ZNF615: variants seen among roughly 807,000 people sequenced by gnomAD.
ZNF615 encodes the protein zinc finger protein 615.
Under a neutral mutation model 15.3 loss-of-function variants are expected in ZNF615, and 15 were observed. The ratio of observed to expected loss-of-function variants is 0.98; its 90% CI spans 0.66 to 1.51. The LOEUF (loss-of-function observed/expected upper bound fraction) is 1.51. ZNF615 is among the 40% of genes most tolerant of loss of function. The probability of loss-of-function intolerance (pLI) is 0.00; values close to 1 mark genes in which losing one functional copy is unlikely to be tolerated. For synonymous variants in ZNF615, 268 were observed against 294.6 expected (o/e 0.91, Z 0.92); for missense variants, 848 against 895.9 (o/e 0.95, Z 0.68).
rs1389275508 is a variant in ZNF615 at position 51,993,322 on chromosome 19, G to A, written c.1787C>T (p.Ala596Val). The A allele has an allele frequency of 1.2e-6, 2 of 1,610,460 alleles. No homozygotes were observed. The highest frequency in any genetic ancestry group is 1.4e-5 in the African/African-American group (1 of 73,692). ...KGLTGKSMLI[A>V]HQRTHTGEKP... ...CTCCCCAGTATGAGTTCGCTGATGT[G>A]CAATGAGCATGCTTTTCCCAGTTAA... The change falls in exon 7 of 7, where the codon GCA becomes GTA. Residue 596 changes from alanine to valine, a missense_variant. Coordinates refer to ENST00000598071, the MANE Select transcript of ZNF615 (RefSeq NM_001199324.2).
intron 6 of ZNF615, among the ~76,000 whole-genome samples, chr19:51,995,848 T>C (rs1020854344): frequency 1.3e-5 from 2 of 151,810 alleles, no homozygotes; most frequent in Admixed American, 1.3e-4. Flanking sequence ...ATTACAGACA[T>C]GAGCCACTGC....
chr19:52,001,946 A>G, intron 4 of ZNF615, 38 bp from the exon 5 acceptor site: 1 of 1,610,484 alleles, frequency 6.2e-7, no homozygotes, highest in Non-Finnish European at 8.5e-7. Context: ...AGACAAATCA[A>G]ACGGGGCTGG....
chr19:51,993,876 A>G lies in ZNF615; in HGVS notation c.1233T>C (p.Tyr411=), dbSNP rs755777094. The part of the protein sequence containing the change: ...HQQTHTGEKL[Y]TCSECGKGFS... The stretch of plus-strand genomic sequence containing the variant: ...AGCCTTTTCCACATTCACTACATGT[A>G]TATAATTTCTCTCCTGTATGAGTTT... Residue 411 remains tyrosine (Y), a synonymous_variant, in exon 7 of 7, where the codon TAT becomes TAC. Coordinates refer to ENST00000598071, the MANE Select transcript of ZNF615 (RefSeq NM_001199324.2). The G allele has an allele frequency of 6.2e-7, 1 of 1,614,110 alleles. No individual in the cohort carries two copies. Among genetic ancestry groups the G allele is most frequent in the Non-Finnish European group, 8.5e-7 (1 of 1,180,004 alleles).
At chr19:51,998,750 G>A (rs532213286) in intron 6 of ZNF615, among the ~76,000 whole-genome samples, 12 of 152,266 alleles carry the variant, frequency 7.9e-5, no homozygotes, top group African/African-American at 2.9e-4. Flanking sequence ...TGCCTCCAGG[G>A]TTCAGGCGAT....
At position 51,993,787 on chromosome 19, in the gene ZNF615, C is replaced by T. The variant is rs1308676883; in HGVS notation, c.1322G>A (p.Cys441Tyr). Residue 441 changes from cysteine to tyrosine, a missense_variant, in exon 7 of 7, where the codon TGC becomes TAC. Physicochemically the swap from Cys to Tyr is radical, Grantham distance 194. Transcript: ENST00000598071. ...RTHTGEKPYK[C>Y]NECGKGFALK... is the part of the protein sequence containing the mutation. ...AGCGAAGCCCTTTCCACACTCATTG[C>T]ATTTATAAGGTTTCTCTCCAGTATG... is the stretch of plus-strand genomic sequence containing the variant. 2 of 1,614,042 alleles carry T rather than the reference C, an allele frequency of 1.2e-6. No individual in the cohort carries two copies. Among genetic ancestry groups the T allele is most frequent in the Non-Finnish European group, 1.7e-6 (2 of 1,180,026 alleles).
Position 51,994,153 on chromosome 19 carries a change from C to A in ZNF615, c.956G>T (p.Arg319Leu). The A allele has an allele frequency of 6.2e-7, 1 of 1,613,958 alleles. No homozygotes were observed. The highest frequency in any genetic ancestry group is 8.5e-7 in the Non-Finnish European group (1 of 1,180,026). ...IKKCRLIYHQ[R>L]THTGEKPHGC... is the part of the protein sequence containing the mutation. ...ATGGGGTTTCTCTCCTGTATGAGTT[C>A]GTTGATGATAAATGAGCCGACACTT... Residue 319 changes from arginine (R) to leucine (L), a missense_variant, in exon 7 of 7, where the codon CGA becomes CTA. Arg to Leu is a moderately radical substitution (Grantham distance 102). Transcript: ENST00000598071.
chr19:52,007,850 G>T, intron 1 of ZNF615: 1 of 403,408 alleles, frequency 2.5e-6, no homozygotes, highest in Non-Finnish European at 4.5e-6. Context: ...AATGTGACTT[G>T]GGCACTCAGT....
In ZNF615 at chr19:52,003,869, A is replaced by C; in HGVS notation, c.-158T>G. The C allele has an allele frequency of 6.9e-7, 1 of 1,456,944 alleles. No homozygotes were observed. Among genetic ancestry groups the C allele is most frequent in the Non-Finnish European group, 9.0e-7 (1 of 1,108,452 alleles). 90.3% of individuals were successfully genotyped at this position (1,456,944 alleles called of 1,614,324 possible). On this transcript the variant is annotated 5_prime_UTR_variant, in exon 3 of 7. An upstream open reading frame in the 5' UTR loses its in-frame stop. Coordinates refer to ENST00000598071, the MANE Select transcript of ZNF615 (RefSeq NM_001199324.2). ...CTTGGAAACTCCGCCTCCTTCCTTC[A>C]CTTGATTTCTCTTGTTCTCAGCACC...
At chr19:52,001,264 G>C (rs1007867479) in intron 5 of ZNF615, among the ~76,000 whole-genome samples, 8 of 152,110 alleles carry the variant, frequency 5.3e-5, no homozygotes, top group African/African-American at 1.7e-4. Context: ...AAAATCCTAA[G>C]AAGATAATTA....
In ZNF615 at chr19:51,994,797, T is replaced by C. The variant is rs1470498406; in HGVS notation, c.312A>G (p.Gln104=). 1.2e-6 allele frequency: 2 copies of C among 1,602,234 alleles called. No individual in the cohort carries two copies. Among genetic ancestry groups the C allele is most frequent in the East Asian group, 2.2e-5 (1 of 44,752 alleles). ...KIDDPLQHHL[Q]NQSIQKSVKQ... is the part of the protein sequence containing the mutation. The stretch of plus-strand genomic sequence containing the variant: ...TCACACTCTTCTGAATACTTTGATT[T>C]TGCAAGTGATGCTGCAGAGGATCAT... Residue 104 remains glutamine (Q), a synonymous_variant, in exon 7 of 7, where the codon CAA becomes CAG. Transcript: ENST00000598071.
Position 51,993,151 on chromosome 19 carries a change from T to A in ZNF615, c.1958A>T (p.His653Leu), listed in dbSNP as rs368630436. ...TFRKKTCLIQ[H>L]QRFHTGKTSF... ...AGTCTTTCCTGTGTGAAATCGCTGA[T>A]GTTGTATGAGGCATGTCTTCTTCCT... The change falls in exon 7 of 7, where the codon CAT becomes CTT. Residue 653 changes from histidine (H) to leucine (L), a missense_variant. Coordinates refer to ENST00000598071, the MANE Select transcript of ZNF615 (RefSeq NM_001199324.2). The A allele has an allele frequency of 1.2e-5, 20 of 1,614,116 alleles. No individual in the cohort carries two copies. Among genetic ancestry groups the A allele is most frequent in the South Asian group, 8.8e-5 (8 of 91,086 alleles).
intron 6 of ZNF615, among the ~76,000 whole-genome samples, chr19:51,995,564 C>CAT (rs1295310175): frequency 7.4e-6 from 1 of 135,542 alleles, no homozygotes; most frequent in Admixed American, 7.4e-5. Context: ...AAACACCTTC[C>CAT]TTTTTTTTTT....
intron 6 of ZNF615, among the ~76,000 whole-genome samples, 189 bp from the exon 7 acceptor site, chr19:51,995,026 G>T (rs1473212879): frequency 6.6e-6 from 1 of 152,152 alleles, no homozygotes; most frequent in Admixed American, 6.5e-5. Context: ...CGAAAAAGGA[G>T]TCAGAAAAGG....
At chr19:51,994,900 AT>A in intron 6 of ZNF615, 63 bp from the exon 7 acceptor site, 1 of 1,448,656 alleles carries the variant, frequency 6.9e-7, no homozygotes, top group Non-Finnish European at 9.1e-7. Context: ...TATTTAAACT[AT>A]TTTTTAAAAC....
intron 6 of ZNF615, among the ~76,000 whole-genome samples, chr19:51,995,684 C>A (rs2123023462): frequency 6.6e-6 from 1 of 152,018 alleles, no homozygotes; most frequent in South Asian, 2.1e-4. Context: ...GATCCTCCCA[C>A]CTCAGCCTCT....
chr19:51,996,749 A>G (rs1219488899), intron 6 of ZNF615, among the ~76,000 whole-genome samples: 1 of 152,234 alleles, frequency 6.6e-6, no homozygotes, highest in Non-Finnish European at 1.5e-5. Flanking sequence ...GAGTTTGGGA[A>G]TTCGTTAAGT....
intron 6 of ZNF615, among the ~76,000 whole-genome samples, chr19:51,999,420 G>C (rs889958869): frequency 6.6e-6 from 1 of 152,106 alleles, no homozygotes; most frequent in African/African-American, 2.4e-5. Flanking sequence ...TCAAAGCAAA[G>C]AACAAAGATG....
intron 6 of ZNF615, among the ~76,000 whole-genome samples, chr19:51,996,857 G>A (rs1185140688): frequency 6.6e-6 from 1 of 152,120 alleles, no homozygotes; most frequent in African/African-American, 2.4e-5. Flanking sequence ...GAATGTAATA[G>A]CCTCTTGAAA....
Position 51,993,873 on chromosome 19 carries a change from TG to T in ZNF615, c.1235del (p.Thr412AsnfsTer11). 6.2e-7 allele frequency: 1 copy of T among 1,614,100 alleles called. No homozygotes were observed. Among genetic ancestry groups the T allele is most frequent in the Non-Finnish European group, 8.5e-7 (1 of 1,179,986 alleles). On this transcript the variant is annotated frameshift_variant, in exon 7 of 7. Transcript: ENST00000598071. LOFTEE classifies it low-confidence loss of function (END_TRUNC). ...QQTHTGEKLY[T>X]CSECGKGFSM... is the part of the protein sequence containing the mutation. ...AAAAGCCTTTTCCACATTCACTACA[TG>T]TATATAATTTCTCTCCTGTATGAGT...
Sources: gnomAD v4.1 joint callset for allele counts (sites outside exome capture counted in the v4.1 genomes callset) on GRCh38, gnomAD v4.1.1 for gene constraint, MANE v1.5 for transcripts, NCBI Gene and HGNC (gene_info 2026-07-23, HGNC 2026-07-21) for gene names.